Variants in SUGCT observed in about 807,000 individuals in gnomAD.
SUGCT encodes succinyl-CoA:glutarate CoA-transferase.
A neutral mutation model predicts 55.0 loss-of-function variants in SUGCT; 41 were observed. The observed-to-expected ratio is 0.74, with a 90% CI of 0.58 to 0.97. The LOEUF is 0.97. Ranked by LOEUF, SUGCT falls within the 50% of genes least tolerant of loss-of-function variation. The pLI, the probability that SUGCT is intolerant of heterozygous loss-of-function variation, is 0.00. For missense variants in SUGCT, 568 were observed against 547.8 expected, an observed-to-expected ratio of 1.04 and a Z score of -0.37; for synonymous variants, 187 against 200.4, an observed-to-expected ratio of 0.93 and a Z score of 0.56.
At chr7:40,149,677 G>A (rs1186703785) in intron 1 of SUGCT, among the ~76,000 whole-genome samples, 2 of 152,124 alleles carry the variant, frequency 1.3e-5, no homozygotes, top group Non-Finnish European at 2.9e-5. Context: ...CAGCACTTTG[G>A]GAGGCCGAGG....
the SUGCT span, among the ~76,000 whole-genome samples, chr7:40,982,836 A>T: frequency 6.6e-6 from 1 of 151,928 alleles, no homozygotes; most frequent in Non-Finnish European, 1.5e-5. Flanking sequence ...TTTAGTAGAG[A>T]CAATATTTTT....
intron 9 of SUGCT, among the ~76,000 whole-genome samples, chr7:40,321,190 C>T (rs35510569): frequency 0.013 from 2,024 of 151,048 alleles, 21 homozygotes; most frequent in Non-Finnish European, 0.018. Context: ...ATTCTCCCCC[C>T]TCGGCCTCCT....
intron 9 of SUGCT, among the ~76,000 whole-genome samples, chr7:40,387,069 C>T (rs367740691): frequency 6.6e-6 from 1 of 152,020 alleles, no homozygotes; most frequent in East Asian, 1.9e-4. Flanking sequence ...GCTGGGCTAC[C>T]CTGTGGTGAG....
intron 12 of SUGCT, among the ~76,000 whole-genome samples, chr7:40,626,912 T>C (rs185372368): frequency 3.5e-4 from 53 of 152,310 alleles, no homozygotes; most frequent in African/African-American, 1.2e-3. Flanking sequence ...TATCAGCATA[T>C]TTACCGAGTA....
chr7:40,687,915 T>C (rs1784536702), intron 12 of SUGCT, among the ~76,000 whole-genome samples: 1 of 152,140 alleles, frequency 6.6e-6, no homozygotes, highest in African/African-American at 2.4e-5. Flanking sequence ...TGGAGATAAT[T>C]TATTTTTGTC....
At chr7:40,937,343 G>C in the SUGCT span, among the ~76,000 whole-genome samples, 1 of 152,156 alleles carries the variant, frequency 6.6e-6, no homozygotes, top group South Asian at 2.1e-4. Context: ...AAATTTTTTT[G>C]TATTTTTAGT....
intron 6 of SUGCT, among the ~76,000 whole-genome samples, chr7:40,219,890 T>C (rs10282322): frequency 0.064 from 9,791 of 152,188 alleles, 988 homozygotes; most frequent in African/African-American, 0.22. Context: ...CACTCCCTTA[T>C]AACAAGTGTC....
In SUGCT at chr7:40,612,430, G is replaced by T. The variant is rs142817252; in HGVS notation, c.1089+116044G>T. Among the ~76,000 whole-genome samples, 7 of 152,240 alleles carry T rather than the reference G, an allele frequency of 4.6e-5. No individual in the cohort carries two copies. In the East Asian group the frequency reaches 1.4e-3, roughly 29 times the overall value. On this transcript the variant is annotated intron_variant, in intron 12 of 13. Coordinates refer to ENST00000335693, the MANE Select transcript of SUGCT (RefSeq NM_001193313.2). ...TTTGAACTCGTACACTTGCCCTCTAGAGCCCACACCCAGCCACCACACAAA... is the reference window on the plus strand; with the variant it reads ...TTTGAACTCGTACACTTGCCCTCTATAGCCCACACCCAGCCACCACACAAA...
chr7:41,027,000 C>A, the SUGCT span, among the ~76,000 whole-genome samples: 1 of 152,054 alleles, frequency 6.6e-6, no homozygotes, highest in Non-Finnish European at 1.5e-5. Flanking sequence ...CCATTGCACT[C>A]CAGCCTGGGC....
At chr7:40,242,394 A>G (rs1198213253) in intron 7 of SUGCT, among the ~76,000 whole-genome samples, 1 of 150,580 alleles carries the variant, frequency 6.6e-6, no homozygotes, top group East Asian at 2.0e-4. Context: ...GTGGTCTTGA[A>G]CTCCTGACCT....
chr7:40,408,748 A>T (rs1036645256), intron 9 of SUGCT, among the ~76,000 whole-genome samples: 1 of 152,186 alleles, frequency 6.6e-6, no homozygotes. Context: ...TACCAAAATG[A>T]CAGGGAAACA....
At chr7:40,748,299 AGG>A (rs1787835547) in intron 12 of SUGCT, among the ~76,000 whole-genome samples, 1 of 152,294 alleles carries the variant, frequency 6.6e-6, no homozygotes, top group Admixed American at 6.5e-5. Context: ...ATTTTATAAA[AGG>A]GGGTGGGTTA....
the SUGCT span, among the ~76,000 whole-genome samples, chr7:40,929,640 G>C: frequency 6.6e-6 from 1 of 152,144 alleles, no homozygotes; most frequent in African/African-American, 2.4e-5. Flanking sequence ...GTATCTCACT[G>C]TGGTTCTGAT....
intron 8 of SUGCT, among the ~76,000 whole-genome samples, chr7:40,311,212 G>A (rs1306173758): frequency 3.3e-5 from 5 of 152,128 alleles, no homozygotes; most frequent in Non-Finnish European, 7.4e-5. Flanking sequence ...TGTCTGTTCT[G>A]TTCTTAAAAT....
chr7:40,551,901 C>T (rs916772408), intron 12 of SUGCT, among the ~76,000 whole-genome samples: 1 of 152,214 alleles, frequency 6.6e-6, no homozygotes, highest in African/African-American at 2.4e-5. Flanking sequence ...CAGCATTGTA[C>T]TTGACTTGCA....
chr7:40,796,202 T>A (rs1790544695), intron 13 of SUGCT, among the ~76,000 whole-genome samples: 2 of 152,112 alleles, frequency 1.3e-5, no homozygotes, highest in African/African-American at 4.8e-5. Flanking sequence ...TCTAATAGCA[T>A]CTAGAAGTAG....
At chr7:40,615,564 C>T (rs1002356727) in intron 12 of SUGCT, among the ~76,000 whole-genome samples, 3 of 152,150 alleles carry the variant, frequency 2.0e-5, no homozygotes, top group African/African-American at 7.2e-5. Flanking sequence ...AGAATGGGTA[C>T]CCAACACATC....
the SUGCT span, among the ~76,000 whole-genome samples, chr7:40,892,009 C>CA: frequency 4.0e-3 from 571 of 141,038 alleles, 27 homozygotes; most frequent in South Asian, 0.11. Flanking sequence ...TCTGTCTCAA[C>CA]AAAAAAAAAA....
intron 8 of SUGCT, among the ~76,000 whole-genome samples, chr7:40,290,510 TG>T (rs1381005983): frequency 6.6e-6 from 1 of 152,152 alleles, no homozygotes; most frequent in Non-Finnish European, 1.5e-5. Flanking sequence ...TAATTCAAGA[TG>T]GATTAAAGAC....
Sources: gnomAD v4.1 joint callset for allele counts (sites outside exome capture counted in the v4.1 genomes callset) on GRCh38, gnomAD v4.1.1 for gene constraint, MANE v1.5 for transcripts, NCBI Gene and HGNC (gene_info 2026-07-23, HGNC 2026-07-21) for gene names.